The following TFEC variants were observed in gnomAD, a reference collection of about 807,000 sequenced individuals.
The protein encoded by TFEC is transcription factor EC.
A neutral mutation model predicts 41.6 loss-of-function variants in TFEC; 31 were observed. That is an observed-to-expected ratio of 0.74 (90% CI 0.56 to 1.01). The LOEUF is 1.01. TFEC is among the 50% of genes least tolerant of loss of function. The pLI, the probability that TFEC is intolerant of heterozygous loss-of-function variation, is 0.00. For synonymous variants in TFEC, 143 were observed against 140.6 expected (o/e 1.02, Z -0.12); for missense variants, 402 against 404.1 (o/e 0.99, Z 0.04).
At chr7:116,123,591 TC>T (rs1180587211) in intron 1 of TFEC, among the ~76,000 whole-genome samples, 2 of 152,044 alleles carry the variant, frequency 1.3e-5, no homozygotes, top group Non-Finnish European at 2.9e-5. Flanking sequence ...AACCCGCATA[TC>T]CCCACACTCC....
intron 6 of TFEC, among the ~76,000 whole-genome samples, chr7:115,950,013 C>T (rs1363911391): frequency 1.5e-5 from 1 of 65,406 alleles, no homozygotes; most frequent in East Asian, 3.0e-4. Context: ...TCCATGTTTT[C>T]ACTTTTTTTT....
At chr7:116,048,881 A>C (rs958751336) in intron 3 of TFEC, among the ~76,000 whole-genome samples, 2 of 152,226 alleles carry the variant, frequency 1.3e-5, no homozygotes, top group African/African-American at 4.8e-5. Context: ...CAGCCAAACT[A>C]AGCTTCAGAA....
intron 3 of TFEC, among the ~76,000 whole-genome samples, chr7:116,080,993 G>GTGTGTGTA (rs1343415453): frequency 7.0e-6 from 1 of 143,416 alleles, no homozygotes; most frequent in Non-Finnish European, 1.6e-5. Context: ...GTGTGTGTGT[G>GTGTGTGTA]TGTGTGTGTG....
chr7:116,104,701 G>A (rs1463534521), intron 3 of TFEC, among the ~76,000 whole-genome samples: 1 of 150,882 alleles, frequency 6.6e-6, no homozygotes, highest in African/African-American at 2.4e-5. Context: ...TTTGAAGTAT[G>A]TAAAGTATAA....
chr7:116,066,629 G>A (rs1319889492), intron 3 of TFEC, among the ~76,000 whole-genome samples: 4 of 151,930 alleles, frequency 2.6e-5, no homozygotes, highest in Non-Finnish European at 2.9e-5. Context: ...GAATGTAACT[G>A]GGCAATGAAC....
chr7:116,140,776 ATGTGCAC>A (rs1235669310), intron 1 of TFEC, among the ~76,000 whole-genome samples: 1 of 152,186 alleles, frequency 6.6e-6, no homozygotes, highest in African/African-American at 2.4e-5. Flanking sequence ...GTAGTGCATT[ATGTGCAC>A]TGTAGCATTT....
chr7:116,096,873 C>T (rs1033512544), intron 3 of TFEC, among the ~76,000 whole-genome samples: 7 of 152,028 alleles, frequency 4.6e-5, no homozygotes, highest in African/African-American at 1.4e-4. Context: ...GGGCAGATCA[C>T]GAAGTCAGGA....
intron 2 of TFEC, among the ~76,000 whole-genome samples, chr7:115,975,555 A>C (rs1369772297): frequency 6.6e-6 from 1 of 152,194 alleles, no homozygotes; most frequent in Non-Finnish European, 1.5e-5. Flanking sequence ...AGCAATGTTT[A>C]CTGTGAGATC....
intron 1 of TFEC, among the ~76,000 whole-genome samples, chr7:116,113,108 CTTACT>C (rs909565282): frequency 4.6e-5 from 7 of 151,966 alleles, no homozygotes; most frequent in African/African-American, 1.7e-4. Flanking sequence ...TGTGCTTCCT[CTTACT>C]TTAATGATTT....
chr7:116,066,521 T>C (rs930349015), intron 3 of TFEC, among the ~76,000 whole-genome samples: 1 of 152,012 alleles, frequency 6.6e-6, no homozygotes, highest in Non-Finnish European at 1.5e-5. Flanking sequence ...AAAAGCAGTA[T>C]ATCTTCTTAT....
At chr7:116,106,013 C>T (rs960047361) in intron 3 of TFEC, among the ~76,000 whole-genome samples, 1 of 151,966 alleles carries the variant, frequency 6.6e-6, no homozygotes, top group Non-Finnish European at 1.5e-5. Context: ...GGTAGAATTT[C>T]TACCTCTCTA....
intron 3 of TFEC, among the ~76,000 whole-genome samples, chr7:115,970,743 C>T (rs1310783842): frequency 6.6e-6 from 1 of 151,856 alleles, no homozygotes; most frequent in African/African-American, 2.4e-5. Flanking sequence ...TTTAAAAGAG[C>T]ATGGCAACTT....
intron 6 of TFEC, among the ~76,000 whole-genome samples, chr7:115,945,154 A>G (rs1181237491): frequency 6.9e-6 from 1 of 145,636 alleles, no homozygotes; most frequent in African/African-American, 2.5e-5. Flanking sequence ...TTTTTTTTTC[A>G]GATCCACTGT....
chr7:116,120,074 G>A (rs1798077960), intron 1 of TFEC: 1 of 151,750 alleles, frequency 6.6e-6, no homozygotes. Flanking sequence ...GTAAGATAAA[G>A]AAAACTGATG....
intron 2 of TFEC, among the ~76,000 whole-genome samples, chr7:115,981,887 C>A (rs185264262): frequency 3.0e-4 from 46 of 152,134 alleles, no homozygotes; most frequent in African/African-American, 1.0e-3. Flanking sequence ...CAGTGGTAAA[C>A]CCATAGAGCT....
At chr7:116,049,596 C>T (rs1176000280) in intron 3 of TFEC, among the ~76,000 whole-genome samples, 1 of 152,178 alleles carries the variant, frequency 6.6e-6, no homozygotes, top group African/African-American at 2.4e-5. Context: ...CAAGGATATA[C>T]AGGAATTGAG....
chr7:116,006,197 A>T (rs940804261), intron 1 of TFEC, among the ~76,000 whole-genome samples: 1 of 152,190 alleles, frequency 6.6e-6, no homozygotes, highest in African/African-American at 2.4e-5. Flanking sequence ...TGCTTAGTGG[A>T]GCTGTGAGAA....
At chr7:116,082,579 A>T (rs1200920040) in intron 3 of TFEC, among the ~76,000 whole-genome samples, 1 of 152,062 alleles carries the variant, frequency 6.6e-6, no homozygotes. Context: ...ATGCTAAATT[A>T]AACACTGTTC....
At chr7:115,952,339 C>T (rs1229462889) in intron 5 of TFEC, among the ~76,000 whole-genome samples, 1 of 151,810 alleles carries the variant, frequency 6.6e-6, no homozygotes, top group Non-Finnish European at 1.5e-5. Flanking sequence ...AACATATATA[C>T]ACACATATAA....
Sources: gnomAD v4.1 joint callset for allele counts (sites outside exome capture counted in the v4.1 genomes callset) on GRCh38, gnomAD v4.1.1 for gene constraint, MANE v1.5 for transcripts, NCBI Gene and HGNC (gene_info 2026-07-23, HGNC 2026-07-21) for gene names.